Variants in DNAH7 observed in about 807,000 individuals in gnomAD.
DNAH7 encodes axonemal beta dynein heavy chain 7.
Under a neutral mutation model 444.6 loss-of-function variants are expected in DNAH7, and 397 were observed. The observed-to-expected ratio is 0.89, with a 90% CI of 0.82 to 0.97. The LOEUF (loss-of-function observed/expected upper bound fraction) is 0.97, where lower values mean the gene tolerates loss of function less well. Among genes scored for constraint, DNAH7 ranks in the 50% least tolerant of loss-of-function variants. The pLI, the probability that DNAH7 is intolerant of heterozygous loss-of-function variation, is 0.00. For synonymous variants in DNAH7, 1,636 were observed against 1,624.4 expected (o/e 1.01, Z -0.17); for missense variants, 4,902 against 4,800.8 (o/e 1.02, Z -0.62).
At chr2:195,847,171 GAT>G (rs57714742) in intron 46 of DNAH7, among the ~76,000 whole-genome samples, 13,295 of 141,922 alleles carry the variant, frequency 0.094, 667 homozygotes, top group African/African-American at 0.14. Flanking sequence ...TATATAAACA[GAT>G]ATATATATAT....
intron 12 of DNAH7, among the ~76,000 whole-genome samples, chr2:195,993,929 G>C (rs988991147): frequency 1.3e-5 from 2 of 152,094 alleles, no homozygotes; most frequent in Non-Finnish European, 2.9e-5. Context: ...AAGCCAATCC[G>C]GGAAGAAGGA....
intron 18 of DNAH7, among the ~76,000 whole-genome samples, chr2:195,958,494 G>A (rs1161202710): frequency 6.6e-6 from 1 of 152,136 alleles, no homozygotes; most frequent in East Asian, 1.9e-4. Context: ...GTTTTCAACT[G>A]TGTGGGGGGT....
chr2:195,748,585 ATAC>A (rs1439418441), intron 63 of DNAH7, among the ~76,000 whole-genome samples: 1 of 152,218 alleles, frequency 6.6e-6, no homozygotes, highest in Non-Finnish European at 1.5e-5. Flanking sequence ...ACTTCAAACT[ATAC>A]TACAAGGCTA....
chr2:195,910,366 TTATTA>T (rs1310317317), intron 24 of DNAH7, among the ~76,000 whole-genome samples, 171 bp from the exon 25 acceptor site: 6 of 152,208 alleles, frequency 3.9e-5, no homozygotes, highest in Non-Finnish European at 5.9e-5. Flanking sequence ...ACTTTGTCTG[TTATTA>T]TATTTTATTT....
At chr2:195,806,082 A>T (rs967141514) in intron 54 of DNAH7, among the ~76,000 whole-genome samples, 2 of 145,758 alleles carry the variant, frequency 1.4e-5, no homozygotes, top group African/African-American at 5.1e-5. Flanking sequence ...TATTTTCTCA[A>T]TTTTTTCCAA....
At chr2:195,900,628 A>G in intron 27 of DNAH7, 134 bp from the exon 28 acceptor site, 1 of 773,926 alleles carries the variant, frequency 1.3e-6, no homozygotes. Context: ...AGAGTAAAAT[A>G]GTGGTAACTA....
intron 9 of DNAH7, among the ~76,000 whole-genome samples, chr2:196,016,359 T>C (rs964866137): frequency 1.3e-5 from 2 of 152,330 alleles, no homozygotes; most frequent in South Asian, 4.1e-4. Flanking sequence ...AATTAGATCA[T>C]GGGCCTTGTC....
At chr2:195,772,503 G>A (rs2105941634) in intron 60 of DNAH7, among the ~76,000 whole-genome samples, 1 of 152,116 alleles carries the variant, frequency 6.6e-6, no homozygotes, top group Non-Finnish European at 1.5e-5. Context: ...TATTTATGGT[G>A]GCATTGTGTA....
intron 24 of DNAH7, among the ~76,000 whole-genome samples, chr2:195,911,307 A>C (rs1170104808): frequency 6.6e-6 from 1 of 152,222 alleles, no homozygotes; most frequent in Non-Finnish European, 1.5e-5. Context: ...TCTAGCAATA[A>C]AAATATAATT....
chr2:196,000,886 G>T lies in DNAH7; in HGVS notation c.1174-3C>A. 6.4e-7 allele frequency: 1 copy of T among 1,551,382 alleles called. No homozygotes were observed. The highest frequency in any genetic ancestry group is 8.7e-7 in the Non-Finnish European group (1 of 1,153,634). On this transcript the variant is annotated splice_region_variant and splice_polypyrimidine_tract_variant and intron_variant, in intron 11 of 64. Transcript: ENST00000312428. ...TGTTCAAAAGCTCTAACAGAATCCT[G>T]CAAAAAATTAAAAAATTTACATACA...
At position 195,934,701 on chromosome 2, in the gene DNAH7, C is replaced by T. The variant is rs372668189; in HGVS notation, c.3361G>A (p.Glu1121Lys). 5.3e-5 allele frequency: 85 copies of T among 1,613,982 alleles called. No homozygotes were observed. Among genetic ancestry groups the T allele is most frequent in the Non-Finnish European group, 6.6e-5 (78 of 1,180,002 alleles). ...TCTATGAGTTCTACAACCTCTCCTTCGCTGCTCTTCATGTGAGTAATGTCT... is the reference window on the plus strand; with the variant it reads ...TCTATGAGTTCTACAACCTCTCCTTTGCTGCTCTTCATGTGAGTAATGTCT... ...TLDITHMKSSEGEVVELIEII... is the reference protein window; with the variant it reads ...TLDITHMKSSKGEVVELIEII... Residue 1121 changes from glutamate (E) to lysine (K), a missense_variant, in exon 21 of 65, where the codon GAA becomes AAA. Transcript: ENST00000312428.
chr2:195,908,774 T>A (rs1391733795), intron 25 of DNAH7, among the ~76,000 whole-genome samples: 3 of 152,170 alleles, frequency 2.0e-5, no homozygotes, highest in Non-Finnish European at 2.9e-5. Flanking sequence ...AATTAAAATG[T>A]TAATTGGTCA....
chr2:195,974,657 A>G (rs1189039574), intron 15 of DNAH7, among the ~76,000 whole-genome samples: 1 of 152,066 alleles, frequency 6.6e-6, no homozygotes, highest in Non-Finnish European at 1.5e-5. Flanking sequence ...CTCCAACTAC[A>G]TTTATAATCA....
At chr2:195,819,160 G>A (rs1367917787) in intron 49 of DNAH7, among the ~76,000 whole-genome samples, 1 of 151,956 alleles carries the variant, frequency 6.6e-6, no homozygotes. Context: ...TGCAGATCAA[G>A]TGTCAGCTCC....
At chr2:196,023,802 A>G (rs1422409704) in intron 8 of DNAH7, among the ~76,000 whole-genome samples, 1 of 152,180 alleles carries the variant, frequency 6.6e-6, no homozygotes, top group African/African-American at 2.4e-5. Flanking sequence ...ACTAAGCTTA[A>G]TTATTTCTAG....
At chr2:196,034,961 A>G (rs945123882) in intron 5 of DNAH7, among the ~76,000 whole-genome samples, 6 of 152,204 alleles carry the variant, frequency 3.9e-5, no homozygotes, top group African/African-American at 1.4e-4. Flanking sequence ...CAAGTGGATC[A>G]CCCGAGGTCA....
Position 195,987,188 on chromosome 2 carries a change from AAT to A in DNAH7, c.1630_1631del (p.Ile544SerfsTer6), listed in dbSNP as rs1184242606. Reference sequence around the variant, plus strand: ...AGTGCATTTCAAACATTCCTAAACGAATAGTCTGCAAAAGATTAAAAGTTTAA... The same window carrying A: ...AGTGCATTTCAAACATTCCTAAACGAAGTCTGCAAAAGATTAAAAGTTTAA... The part of the protein sequence containing the change: ...EEIQYTSIKT[I>X]RLGMFEMHCE... On this transcript the variant is annotated frameshift_variant, in exon 14 of 65. Transcript: ENST00000312428. LOFTEE classifies it high-confidence loss of function. The A allele has an allele frequency of 1.9e-6, 3 of 1,575,222 alleles. No individual in the cohort carries two copies. The East Asian group carries it at 6.8e-5, about 36-fold the overall frequency.
chr2:195,957,797 A>G (rs756235670), intron 18 of DNAH7, among the ~76,000 whole-genome samples: 24 of 152,144 alleles, frequency 1.6e-4, no homozygotes, highest in Non-Finnish European at 3.1e-4. Flanking sequence ...ATACACGTTA[A>G]GATATACTTA....
chr2:196,023,951 G>A (rs371747696), intron 8 of DNAH7, among the ~76,000 whole-genome samples: 1 of 152,282 alleles, frequency 6.6e-6, no homozygotes. Context: ...GGTTGGTGGA[G>A]GAGTCAGAAC....
Sources: gnomAD v4.1 joint callset for allele counts (sites outside exome capture counted in the v4.1 genomes callset) on GRCh38, gnomAD v4.1.1 for gene constraint, MANE v1.5 for transcripts, NCBI Gene and HGNC (gene_info 2026-07-23, HGNC 2026-07-21) for gene names.